Variants in ACAP3 observed in about 807,000 individuals in gnomAD.
ACAP3 encodes arf-GAP with coiled-coil, ANK repeat and PH domain-containing protein 3.
A neutral mutation model predicts 104.1 loss-of-function variants in ACAP3; 56 were observed. The ratio of observed to expected loss-of-function variants is 0.54; its 90% CI spans 0.43 to 0.67. ACAP3 has a LOEUF of 0.67. ACAP3 is among the 30% of genes least tolerant of loss of function. The pLI, the probability that ACAP3 is intolerant of heterozygous loss-of-function variation, is 0.00. For missense variants in ACAP3, 1,208 were observed against 1,174.9 expected (o/e 1.03, Z -0.41); for synonymous variants, 628 against 496.2 (o/e 1.27, Z -3.53).
rs923372033 is a variant in ACAP3 at position 1,292,516 on chromosome 1, C to T, written c.*1048G>A. On this transcript the variant is annotated 3_prime_UTR_variant, in exon 24 of 24. Transcript: ENST00000354700. ...AAGAATCAATTCTGTTCTTCAGGGTCACAGGCAGCAGGCAAGAGAGTTGGG... is the reference window on the plus strand; with the variant it reads ...AAGAATCAATTCTGTTCTTCAGGGTTACAGGCAGCAGGCAAGAGAGTTGGG... The T allele has an allele frequency of 6.6e-6, 1 of 152,572 alleles. No homozygotes were observed. Among genetic ancestry groups the T allele is most frequent in the African/African-American group, 2.4e-5 (1 of 41,588 alleles). The allele number at this position is 152,572 out of a possible 1,614,324, so 9.5% of individuals were successfully genotyped here.
In ACAP3 at chr1:1,299,353, G is replaced by A; in HGVS notation, c.742C>T (p.Leu248=). ...RKHAAIQQRT[L]LQDFSYDESK... ...GGCCCGTGCTCACTTACCTGCAGCA[G>A]CGTCTGGAGGGCCGGAGCAGGAGGG... Residue 248 remains leucine, a synonymous_variant, in exon 10 of 24, where the codon CTG becomes TTG. Transcript: ENST00000354700. The A allele has an allele frequency of 6.3e-7, 1 of 1,577,130 alleles. No homozygotes were observed. The highest frequency in any genetic ancestry group is 8.6e-7 in the Non-Finnish European group (1 of 1,160,608).
At chr1:1,299,565 C>T in intron 9 of ACAP3, 1 of 733,762 alleles carries the variant, frequency 1.4e-6, no homozygotes, top group South Asian at 2.0e-5. Context: ...GTCCCACAGG[C>T]AAGCAAAGGC....
At position 1,294,767 on chromosome 1, in the gene ACAP3, GTCCGAGCTGCCA is replaced by G. The variant is rs946530559; in HGVS notation, c.1851_1862del (p.Gly618_Asp621del). Reference sequence around the variant, plus strand: ...CAGAGCCCGAGCCGAAAGCCAGGACGTCCGAGCTGCCATCCGAGCTGCCCCCAAGGCCACTGT... The same window carrying G: ...CAGAGCCCGAGCCGAAAGCCAGGACGTCCGAGCTGCCCCCAAGGCCACTGT... On this transcript the variant is annotated inframe_deletion, in exon 20 of 24. Coordinates refer to ENST00000354700, the MANE Select transcript of ACAP3 (RefSeq NM_030649.3). The G allele has an allele frequency of 5.2e-5, 81 of 1,549,826 alleles. No homozygotes were observed. The highest frequency in any genetic ancestry group is 9.8e-5 in the Admixed American group (5 of 50,970).
At position 1,298,560 on chromosome 1, in the gene ACAP3, C is replaced by T. The variant is rs1363850193; in HGVS notation, c.863+7G>A. 1.9e-6 allele frequency: 3 copies of T among 1,605,054 alleles called. No homozygotes were observed. The highest frequency in any genetic ancestry group is 1.7e-6 in the Non-Finnish European group (2 of 1,174,638). On this transcript the variant is annotated splice_region_variant and intron_variant, in intron 11 of 23. Coordinates refer to ENST00000354700, the MANE Select transcript of ACAP3 (RefSeq NM_030649.3). ...GACCCCGCCCCCACCTGAGGAAGGC[C>T]TCTCACCGGTTCCATGTCTTGAAAG...
chr1:1,301,836 G>T, intron 5 of ACAP3, 152 bp downstream of exon 5: 4 of 650,262 alleles, frequency 6.2e-6, no homozygotes, highest in Non-Finnish European at 9.7e-6. Flanking sequence ...ACTCCACCCG[G>T]CTGTCTGCCT....
At position 1,298,586 on chromosome 1, in the gene ACAP3, C is replaced by T. The variant is rs368349562; in HGVS notation, c.844G>A (p.Ala282Thr). The T allele has an allele frequency of 5.6e-5, 90 of 1,608,164 alleles. No individual in the cohort carries two copies. Among genetic ancestry groups the T allele is most frequent in the African/African-American group, 9.5e-5 (7 of 73,836 alleles). The part of the protein sequence containing the change: ...EGYLFKRASN[A>T]FKTWNRRWFS... ...TCTCACCGGTTCCATGTCTTGAAAG[C>T]GTTGCTGGCCCTCTTGAAGAGGTAG... is the stretch of plus-strand genomic sequence containing the variant. Residue 282 changes from alanine to threonine, a missense_variant, in exon 11 of 24, where the codon GCT (alanine) becomes ACT (threonine). Transcript: ENST00000354700.
At chr1:1,294,684 C>T (rs1208424096) in intron 20 of ACAP3, 34 bp downstream of exon 20, 6 of 1,546,104 alleles carry the variant, frequency 3.9e-6, no homozygotes, top group Non-Finnish European at 4.4e-6. Context: ...AGGGGCTGGG[C>T]AGGGGCCTCG....
Position 1,296,031 on chromosome 1 carries a change from T to G in ACAP3, c.1486A>C (p.Thr496Pro). ...QCEGAGSRKP[T>P]ASSSRQDKEA... is the part of the protein sequence containing the mutation. ...CCACCTCACCGGGAGCTGCTGGCTG[T>G]GGGTTTCCTGCTGCCTGCACCCTCA... The change falls in exon 17 of 24, where the codon ACA (threonine) becomes CCA (proline). Residue 496 changes from threonine (T) to proline (P), a missense_variant. By Grantham distance (38) the Thr-to-Pro change is conservative. Coordinates refer to ENST00000354700, the MANE Select transcript of ACAP3 (RefSeq NM_030649.3). 6.2e-7 allele frequency: 1 copy of G among 1,612,766 alleles called. No homozygotes were observed.
At position 1,299,368 on chromosome 1, in the gene ACAP3, GAGC is replaced by G; in HGVS notation, c.739-15_739-13del. On this transcript the variant is annotated splice_polypyrimidine_tract_variant and intron_variant, in intron 9 of 23. Coordinates refer to ENST00000354700, the MANE Select transcript of ACAP3 (RefSeq NM_030649.3). ...ACCTGCAGCAGCGTCTGGAGGGCCG[GAGC>G]AGGAGGGGGTAGGGGGAGAAAGCCA... The G allele has an allele frequency of 6.4e-7, 1 of 1,562,340 alleles. No individual in the cohort carries two copies. The highest frequency in any genetic ancestry group is 8.7e-7 in the Non-Finnish European group (1 of 1,152,794).
Sources: gnomAD v4.1 joint callset for allele counts on GRCh38, gnomAD v4.1.1 for gene constraint, MANE v1.5 for transcripts, NCBI Gene and HGNC (gene_info 2026-07-23, HGNC 2026-07-21) for gene names.